Variants in ASTN2 observed in about 807,000 individuals in gnomAD.
ASTN2 encodes the protein astrotactin 2.
In ASTN2, 54 loss-of-function variants were observed where a neutral mutation model predicts 139.8. That is an observed-to-expected ratio of 0.39 (90% CI 0.31 to 0.48). The LOEUF (loss-of-function observed/expected upper bound fraction) is 0.48. Ranked by LOEUF, ASTN2 falls within the 20% of genes least tolerant of loss-of-function variation. The probability of loss-of-function intolerance (pLI) is 0.95; values close to 1 mark genes in which losing one functional copy is unlikely to be tolerated. For synonymous variants in ASTN2, 756 were observed against 719.5 expected (o/e 1.05, Z -0.81); for missense variants, 1,565 against 1,725.1 (o/e 0.91, Z 1.64).
chr9:116,716,393 A>C (rs1828315477), intron 16 of ASTN2, among the ~76,000 whole-genome samples: 1 of 152,112 alleles, frequency 6.6e-6, no homozygotes, highest in African/African-American at 2.4e-5. Context: ...ATTTGTTCTA[A>C]GTTTTCTGGA....
In ASTN2 at chr9:117,284,262, G is replaced by A. The variant is rs571581478; in HGVS notation, c.630+7064C>T. On this transcript the variant is annotated intron_variant, in intron 2 of 22. Coordinates refer to ENST00000313400, the MANE Select transcript of ASTN2 (RefSeq NM_001365068.1). ...AGGACCACAGGCTCACACCACCAAG[G>A]CCAACTAATTTTTTGTATTTTTGCT... 7.4e-4 allele frequency among the ~76,000 whole-genome samples: 113 copies of A among 152,140 alleles called. 2 individuals are homozygous for A. In the South Asian group the frequency reaches 0.019, roughly 25 times the overall value.
chr9:116,813,363 T>C (rs914431323), intron 12 of ASTN2, among the ~76,000 whole-genome samples: 3 of 152,142 alleles, frequency 2.0e-5, no homozygotes, highest in African/African-American at 7.2e-5. Context: ...CATAGCAACA[T>C]TGTGAGATGG....
chr9:117,221,636 G>A (rs201895715), intron 2 of ASTN2, among the ~76,000 whole-genome samples: 1,994 of 152,036 alleles, frequency 0.013, 16 homozygotes, highest in Middle Eastern at 0.024. Context: ...TTCTCTTCTC[G>A]TCACTTGTTT....
intron 1 of ASTN2, among the ~76,000 whole-genome samples, chr9:117,346,601 TG>T (rs1217811621): frequency 1.5e-4 from 23 of 152,172 alleles, no homozygotes; most frequent in Admixed American, 1.4e-3. Flanking sequence ...CTGGGTTTCC[TG>T]ACACATCGTT....
At chr9:116,930,519 C>T (rs1363919764) in intron 10 of ASTN2, among the ~76,000 whole-genome samples, 2 of 151,832 alleles carry the variant, frequency 1.3e-5, no homozygotes, top group Non-Finnish European at 2.9e-5. Flanking sequence ...CAGGGTTATG[C>T]TATAACTCTA....
intron 10 of ASTN2, among the ~76,000 whole-genome samples, chr9:116,869,077 C>A (rs555111366): frequency 6.6e-6 from 1 of 151,802 alleles, no homozygotes; most frequent in Admixed American, 6.6e-5. Context: ...CCCAGCTACT[C>A]GGGAGGCTGA....
intron 20 of ASTN2, among the ~76,000 whole-genome samples, chr9:116,459,248 G>A (rs1848415717): frequency 6.6e-6 from 1 of 152,002 alleles, no homozygotes; most frequent in South Asian, 2.1e-4. Context: ...ATCACACCAT[G>A]TATAAAAATT....
chr9:117,275,789 C>G (rs186295567), intron 2 of ASTN2, among the ~76,000 whole-genome samples: 1 of 152,068 alleles, frequency 6.6e-6, no homozygotes, highest in Non-Finnish European at 1.5e-5. Context: ...TGTTCTCACT[C>G]GAACTCTTAT....
chr9:116,629,821 ACTTACCTCTG>A, intron 17 of ASTN2, among the ~76,000 whole-genome samples: 1 of 152,222 alleles, frequency 6.6e-6, no homozygotes, highest in East Asian at 1.9e-4. Context: ...CTATTGCCAC[ACTTACCTCTG>A]CTAATGAAAA....
At chr9:116,586,945 G>A (rs1185233481) in intron 19 of ASTN2, among the ~76,000 whole-genome samples, 3 of 151,856 alleles carry the variant, frequency 2.0e-5, no homozygotes, top group Non-Finnish European at 1.5e-5. Context: ...GAGGAGCCAC[G>A]CTCTCAAGTT....
At chr9:116,863,815 T>C in intron 10 of ASTN2, 82 bp from the exon 11 acceptor site, 1 of 1,375,932 alleles carries the variant, frequency 7.3e-7, no homozygotes, top group Non-Finnish European at 9.8e-7. Flanking sequence ...TTCATTACAT[T>C]TGAAACCATA....
chr9:116,781,937 A>T (rs551976908), intron 13 of ASTN2, among the ~76,000 whole-genome samples: 1 of 152,162 alleles, frequency 6.6e-6, no homozygotes, highest in East Asian at 1.9e-4. Context: ...TACCTCGAGC[A>T]GCTTTCACAA....
rs538964339 is a variant in ASTN2, at chr9:117,101,904, C to T, written c.1169-5753G>A. Among the ~76,000 whole-genome samples, 15 of 152,278 alleles carry T rather than the reference C, an allele frequency of 9.9e-5. No homozygotes were observed. In the South Asian group the frequency reaches 2.1e-3, roughly 21 times the overall value. ...GCAGATGTTGGTGAGGTTGTGGAGACGTTGGAACCCTCATACATTGCTGCT... is the reference window on the plus strand; with the variant it reads ...GCAGATGTTGGTGAGGTTGTGGAGATGTTGGAACCCTCATACATTGCTGCT... On this transcript the variant is annotated intron_variant, in intron 4 of 22. Coordinates refer to ENST00000313400, the MANE Select transcript of ASTN2 (RefSeq NM_001365068.1).
Position 117,387,134 on chromosome 9 carries a change from T to C in ASTN2, c.442+27363A>G, listed in dbSNP as rs115882833. Among the ~76,000 whole-genome samples the C allele has an allele frequency of 5.4e-3, 817 of 152,302 alleles. 3 individuals are homozygous for C. Among genetic ancestry groups the C allele is most frequent in the African/African-American group, 0.018 (728 of 41,582 alleles). ...AGCAACACAGGGGCTTGTATCTATA[T>C]ACTATTCAGAGATTCATCCCCAGCT... On this transcript the variant is annotated intron_variant, in intron 1 of 22. Coordinates refer to ENST00000313400, the MANE Select transcript of ASTN2 (RefSeq NM_001365068.1).
Position 116,976,566 on chromosome 9 carries a change from T to C in ASTN2, c.1676+135A>G, listed in dbSNP as rs558016745. On this transcript the variant is annotated intron_variant, in intron 8 of 22. Transcript: ENST00000313400. ...ATGGGAAAGTAGGATTCACTTCCCATTGGGTTTTGCAGGAACACTACTGTT... is the reference window on the plus strand; with the variant it reads ...ATGGGAAAGTAGGATTCACTTCCCACTGGGTTTTGCAGGAACACTACTGTT... 88 of 686,320 alleles carry C rather than the reference T, an allele frequency of 1.3e-4. No homozygotes were observed. The African/African-American group carries it at 1.4e-3, about 11-fold the overall frequency. The allele number at this position is 686,320 out of a possible 1,614,324, so 42.5% of individuals were successfully genotyped here. A position where few individuals can be genotyped will look rare whatever the true frequency, so the allele number is the denominator to read the frequency against.
At chr9:116,961,403 C>G (rs925820569) in intron 10 of ASTN2, among the ~76,000 whole-genome samples, 4 of 152,142 alleles carry the variant, frequency 2.6e-5, no homozygotes, top group Middle Eastern at 3.2e-3. Context: ...TCCGCAACCA[C>G]TATTCTACTT....
intron 1 of ASTN2, among the ~76,000 whole-genome samples, chr9:117,343,003 G>A (rs1265608687): frequency 6.6e-6 from 1 of 152,178 alleles, no homozygotes. Context: ...GGCTTCCAAA[G>A]TTAGGCAAGG....
intron 1 of ASTN2, among the ~76,000 whole-genome samples, chr9:117,405,128 T>C (rs1354154479): frequency 1.3e-5 from 2 of 152,200 alleles, no homozygotes; most frequent in East Asian, 1.9e-4. Flanking sequence ...TGTGAGGCTG[T>C]CACACCTGAA....
At chr9:117,031,880 GT>G (rs1213036474) in intron 6 of ASTN2, among the ~76,000 whole-genome samples, 4 of 152,120 alleles carry the variant, frequency 2.6e-5, no homozygotes, top group African/African-American at 9.7e-5. Context: ...TTCAAAACAA[GT>G]AAAAAAGAAG....
Sources: allele counts gnomAD v4.1 joint callset (sites outside exome capture counted in the v4.1 genomes callset), GRCh38; gene constraint gnomAD v4.1.1; transcripts MANE v1.5; gene names NCBI Gene and HGNC (gene_info 2026-07-23, HGNC 2026-07-21).